The following LGSN variants were observed in gnomAD, a reference collection of about 807,000 sequenced individuals.
LGSN encodes lengsin.
LGSN carries 21 observed loss-of-function variants against 19.5 expected under a neutral mutation model. That is an observed-to-expected ratio of 1.07 (90% CI 0.76 to 1.55). LGSN has a LOEUF of 1.55. Among genes scored for constraint, LGSN ranks in the 40% most tolerant of loss-of-function variants. LGSN has a pLI of 0.00. For missense variants in LGSN, 673 were observed against 608.5 expected, an observed-to-expected ratio of 1.11 and a Z score of -1.12; for synonymous variants, 257 against 215.6, an observed-to-expected ratio of 1.19 and a Z score of -1.68.
the LGSN span, among the ~76,000 whole-genome samples, chr6:63,427,235 G>A: frequency 5.9e-5 from 9 of 151,800 alleles, no homozygotes; most frequent in African/African-American, 2.2e-4. Context: ...GTAGAGATGG[G>A]GTTACACCAT....
the LGSN span, among the ~76,000 whole-genome samples, chr6:63,484,477 T>C: frequency 6.6e-6 from 1 of 151,704 alleles, no homozygotes; most frequent in South Asian, 2.1e-4. Context: ...TGAGCCAAGA[T>C]AGCGCCACTA....
the LGSN span, among the ~76,000 whole-genome samples, chr6:63,341,038 C>A: frequency 1.1e-4 from 16 of 152,166 alleles, no homozygotes; most frequent in African/African-American, 3.1e-4. Context: ...CATATGATTT[C>A]TTCAACTGTA....
the LGSN span, among the ~76,000 whole-genome samples, chr6:63,555,838 T>C: frequency 6.6e-6 from 1 of 151,664 alleles, no homozygotes; most frequent in Non-Finnish European, 1.5e-5. Context: ...GAATTACAGG[T>C]GTGTACCAGA....
the LGSN span, among the ~76,000 whole-genome samples, chr6:63,514,758 T>A: frequency 6.6e-6 from 1 of 152,174 alleles, no homozygotes; most frequent in African/African-American, 2.4e-5. Flanking sequence ...TAGAGTACAG[T>A]GGTGCAATCA....
At chr6:63,551,018 A>G in the LGSN span, among the ~76,000 whole-genome samples, 9 of 151,646 alleles carry the variant, frequency 5.9e-5, no homozygotes, top group Non-Finnish European at 1.0e-4. Context: ...GAAAATGTTG[A>G]TAGGTTTTTT....
the LGSN span, among the ~76,000 whole-genome samples, chr6:63,567,485 T>C: frequency 6.6e-6 from 1 of 152,214 alleles, no homozygotes; most frequent in Non-Finnish European, 1.5e-5. Context: ...TCACGTTTTA[T>C]CAGTAGGTCT....
At chr6:63,465,965 G>A in the LGSN span, among the ~76,000 whole-genome samples, 1 of 152,118 alleles carries the variant, frequency 6.6e-6, no homozygotes, top group East Asian at 1.9e-4. Flanking sequence ...AATCATTATC[G>A]GGATTGCCTT....
At chr6:63,292,673 C>T (rs1349136527) in intron 2 of LGSN, among the ~76,000 whole-genome samples, 3 of 152,092 alleles carry the variant, frequency 2.0e-5, no homozygotes, top group Non-Finnish European at 2.9e-5. Flanking sequence ...ACGTTATTGC[C>T]AAGAGAATAG....
the LGSN span, among the ~76,000 whole-genome samples, chr6:63,336,553 G>GTATATATATATA: frequency 7.1e-6 from 1 of 140,540 alleles, no homozygotes; most frequent in African/African-American, 2.9e-5. Context: ...GTGTGTGTGT[G>GTATATATATATA]TGTGTGTGTA....
the LGSN span, among the ~76,000 whole-genome samples, chr6:63,462,121 C>T: frequency 6.6e-6 from 1 of 152,108 alleles, no homozygotes; most frequent in Non-Finnish European, 1.5e-5. Context: ...TCTGATTCTC[C>T]GAGGCAAAGC....
chr6:63,485,112 G>T, the LGSN span, among the ~76,000 whole-genome samples: 1 of 151,894 alleles, frequency 6.6e-6, no homozygotes, highest in Non-Finnish European at 1.5e-5. Context: ...ATGGGGGGTT[G>T]TACAGATTAT....
At chr6:63,374,447 A>G in the LGSN span, among the ~76,000 whole-genome samples, 3 of 152,220 alleles carry the variant, frequency 2.0e-5, no homozygotes, top group African/African-American at 7.2e-5. Context: ...ACCAGCAGCA[A>G]TTCTAAGATG....
the LGSN span, among the ~76,000 whole-genome samples, chr6:63,338,590 GT>G: frequency 2.3e-4 from 35 of 151,918 alleles, no homozygotes; most frequent in East Asian, 6.8e-3. Flanking sequence ...GGTCTTTCTT[GT>G]TTTCTTGGTT....
At chr6:63,427,075 T>C in the LGSN span, among the ~76,000 whole-genome samples, 1 of 148,000 alleles carries the variant, frequency 6.8e-6, no homozygotes, top group South Asian at 2.1e-4. Flanking sequence ...TGAGACAGAG[T>C]TTCTGTTCTT....
the LGSN span, among the ~76,000 whole-genome samples, chr6:63,440,490 T>C: frequency 2.0e-5 from 3 of 152,228 alleles, no homozygotes; most frequent in Non-Finnish European, 4.4e-5. Context: ...TGATCGTGTA[T>C]TGAGAACCCG....
At chr6:63,340,587 A>T in the LGSN span, among the ~76,000 whole-genome samples, 1 of 121,802 alleles carries the variant, frequency 8.2e-6, no homozygotes, top group Non-Finnish European at 1.8e-5. Flanking sequence ...CTTTCATTGA[A>T]TTCTTCATTT....
At chr6:63,393,793 T>C in the LGSN span, among the ~76,000 whole-genome samples, 4 of 152,178 alleles carry the variant, frequency 2.6e-5, no homozygotes, top group Admixed American at 2.0e-4. Flanking sequence ...CTCATGTGTG[T>C]CTGTGTCCTA....
the LGSN span, among the ~76,000 whole-genome samples, chr6:63,483,020 C>T: frequency 5.3e-5 from 8 of 152,258 alleles, no homozygotes; most frequent in East Asian, 1.5e-3. Flanking sequence ...AACAAATAAT[C>T]TTTGACCACT....
At chr6:63,412,565 A>AG in the LGSN span, among the ~76,000 whole-genome samples, 89 of 139,814 alleles carry the variant, frequency 6.4e-4, 3 homozygotes, top group African/African-American at 2.5e-3. Flanking sequence ...AAAGAAAGAA[A>AG]GAAAGGAAGG....
Sources: allele counts gnomAD v4.1 joint callset (sites outside exome capture counted in the v4.1 genomes callset), GRCh38; gene constraint gnomAD v4.1.1; transcripts MANE v1.5; gene names NCBI Gene and HGNC (gene_info 2026-07-23, HGNC 2026-07-21).